Variants in EIF2S3 observed in about 807,000 individuals in gnomAD.
EIF2S3 encodes the protein eukaryotic translation initiation factor 2 subunit gamma.
EIF2S3 carries 2 observed loss-of-function variants against 31.7 expected under a neutral mutation model. That is an observed-to-expected ratio of 0.06 (90% CI 0.03 to 0.20). The LOEUF is 0.20. Among genes scored for constraint, EIF2S3 ranks in the 10% least tolerant of loss-of-function variants. EIF2S3 has a pLI of 1.00. For synonymous variants in EIF2S3, 120 were observed against 126.7 expected (o/e 0.95, Z 0.36); for missense variants, 96 against 359.3 (o/e 0.27, Z 5.92).
chrX:24,069,376 C>CA (rs1161413795), intron 9 of EIF2S3, among the ~76,000 whole-genome samples: 4,607 of 43,688 alleles, frequency 0.11, 146 homozygotes, highest in Admixed American at 0.12. Flanking sequence ...CACTCTGTCT[C>CA]AAAAAAAAAA....
Position 24,054,986 on chromosome X carries a change from T to C in EIF2S3, c.18T>C (p.Ala6=), listed in dbSNP as rs758167402. MAGGE[A]GVTLGQPHLS... ...TTGGCAACATGGCGGGCGGAGAAGC[T>C]GGAGTGACTCTAGGGCAGCCGCATC... Residue 6 remains alanine, a synonymous_variant, in exon 1 of 12, where the codon GCT becomes GCC. Coordinates refer to ENST00000253039, the MANE Select transcript of EIF2S3 (RefSeq NM_001415.4). 1 of 1,210,653 alleles carries C rather than the reference T, an allele frequency of 8.3e-7. No individual in the cohort carries two copies. The highest frequency in any genetic ancestry group is 1.8e-5 in the South Asian group (1 of 56,960).
At chrX:24,070,217 G>T (rs1242056187) in intron 9 of EIF2S3, among the ~76,000 whole-genome samples, 1 of 105,621 alleles carries the variant, frequency 9.5e-6, no homozygotes, top group Non-Finnish European at 1.9e-5. Flanking sequence ...ATTTAGTCAG[G>T]TGTGGTGGCA....
At chrX:24,055,111 A>C in intron 1 of EIF2S3, 74 bp downstream of exon 1, 1 of 1,105,976 alleles carries the variant, frequency 9.0e-7, no homozygotes, top group Non-Finnish European at 1.2e-6. Context: ...TGGTATTGGG[A>C]CTAGTCAGTG....
rs771471876 is a variant in EIF2S3, at chrX:24,061,275, A to G, written c.478+1093A>G. Among the ~76,000 whole-genome samples the G allele has an allele frequency of 2.4e-4, 19 of 79,032 alleles. No homozygotes were observed. The Admixed American group carries it at 2.6e-3, about 11-fold the overall frequency. 68.6% of individuals were successfully genotyped at this position (79,032 alleles called of 115,157 possible). A position where few individuals can be genotyped will look rare whatever the true frequency, so the allele number is the denominator to read the frequency against. On this transcript the variant is annotated intron_variant, in intron 5 of 11. Transcript: ENST00000253039. ...CAGTCTTAAAAAAAAAAAAAAAAAA[A>G]GCTGGGTGCGGTGGCTCACACCTGT...
chrX:24,067,907 G>A, intron 8 of EIF2S3, 57 bp from the exon 9 acceptor site: 1 of 1,115,138 alleles, frequency 9.0e-7, no homozygotes, highest in Non-Finnish European at 1.2e-6. Context: ...ACTTTTGATA[G>A]GTAAATGATA....
chrX:24,064,550 G>A lies in EIF2S3; in HGVS notation c.772+215G>A, dbSNP rs184393305. On this transcript the variant is annotated intron_variant, in intron 7 of 11. Coordinates refer to ENST00000253039, the MANE Select transcript of EIF2S3 (RefSeq NM_001415.4). ...ACAGTAAGAACTGTTAACCTAAGCC[G>A]GGCGCAGTGGCTCACGCCTATAATC... 2.3e-3 allele frequency among the ~76,000 whole-genome samples: 254 copies of A among 112,625 alleles called. 1 individual carries two copies. Among genetic ancestry groups the A allele is most frequent in the African/African-American group, 7.8e-3 (242 of 31,093 alleles).
chrX:24,062,704 G>A (rs990228437), intron 6 of EIF2S3, 130 bp downstream of exon 6: 8 of 708,943 alleles, frequency 1.1e-5, no homozygotes, highest in South Asian at 6.9e-5. Flanking sequence ...AAGCCTTATC[G>A]CCCTACCTTT....
intron 6 of EIF2S3, among the ~76,000 whole-genome samples, chrX:24,063,951 T>C (rs759779738): frequency 3.6e-5 from 4 of 111,964 alleles, no homozygotes; most frequent in Non-Finnish European, 7.5e-5. Context: ...TGTACTAATA[T>C]TAAGTATGTC....
At chrX:24,072,299 T>G (rs1930683425) in intron 10 of EIF2S3, among the ~76,000 whole-genome samples, 2 of 110,752 alleles carry the variant, frequency 1.8e-5, no homozygotes, top group African/African-American at 3.3e-5. Flanking sequence ...TTGTTGTTTA[T>G]TTTGAGACAG....
At chrX:24,071,483 C>T (rs756877765) in intron 9 of EIF2S3, 75 bp from the exon 10 acceptor site, 126 of 1,081,871 alleles carry the variant, frequency 1.2e-4, no homozygotes, top group Middle Eastern at 3.2e-4. Context: ...AGCCACTGCA[C>T]CTGGCCAACT....
At position 24,076,927 on chromosome X, in the gene EIF2S3, T is replaced by A. The variant is rs2038073253; in HGVS notation, c.*142T>A. On this transcript the variant is annotated 3_prime_UTR_variant, in exon 12 of 12. Coordinates refer to ENST00000253039, the MANE Select transcript of EIF2S3 (RefSeq NM_001415.4). ...AGTAGGTAACGGTAAGGTTATTCTC[T>A]TTTTTTTTTTTTTTTTTTTTGGTTA... The A allele has an allele frequency of 1.4e-4, 15 of 104,174 alleles. No individual in the cohort carries two copies. The highest frequency in any genetic ancestry group is 1.6e-4 in the Non-Finnish European group (12 of 73,623). 8.6% of individuals were successfully genotyped at this position (104,174 alleles called of 1,213,427 possible).
At chrX:24,064,065 C>A in intron 6 of EIF2S3, 136 bp from the exon 7 acceptor site, 1 of 522,777 alleles carries the variant, frequency 1.9e-6, no homozygotes, top group Non-Finnish European at 2.8e-6. Context: ...TATCCACTTT[C>A]CACTTGTTGC....
At chrX:24,063,320 T>G (rs959496152) in intron 6 of EIF2S3, among the ~76,000 whole-genome samples, 4 of 112,365 alleles carry the variant, frequency 3.6e-5, no homozygotes, top group African/African-American at 1.3e-4. Flanking sequence ...GAGATGTGAT[T>G]TATTGTTGAC....
chrX:24,070,026 A>G (rs1220387980), intron 9 of EIF2S3, among the ~76,000 whole-genome samples: 1 of 109,951 alleles, frequency 9.1e-6, no homozygotes, highest in Non-Finnish European at 1.9e-5. Context: ...GAATACTGTA[A>G]TGATAACCCC....
At chrX:24,055,851 G>T (rs150337174) in intron 2 of EIF2S3, among the ~76,000 whole-genome samples, 173 bp downstream of exon 2, 1 of 111,774 alleles carries the variant, frequency 8.9e-6, no homozygotes, top group African/African-American at 3.2e-5. Flanking sequence ...AAAGAATGCT[G>T]CCCACATGTA....
intron 9 of EIF2S3, among the ~76,000 whole-genome samples, chrX:24,071,353 G>T (rs1355905836): frequency 1.8e-5 from 2 of 109,502 alleles, no homozygotes; most frequent in African/African-American, 6.7e-5. Flanking sequence ...GCCACGCCTG[G>T]CTAATTTTTT....
chrX:24,061,465 A>G (rs1437388414), intron 5 of EIF2S3, among the ~76,000 whole-genome samples: 3 of 108,779 alleles, frequency 2.8e-5, no homozygotes. Context: ...AGGCTGAGGC[A>G]GGAGAATCGC....
rs755245748 is a variant in EIF2S3 at position 24,078,062 on chromosome X, G to C, written c.*1277G>C. 1 of 108,864 alleles carries C rather than the reference G, an allele frequency of 9.2e-6. No homozygotes were observed. Among genetic ancestry groups the C allele is most frequent in the African/African-American group, 3.4e-5 (1 of 29,831 alleles). The allele number at this position is 108,864 out of a possible 1,213,427, so 9.0% of individuals were successfully genotyped here. Reference sequence around the variant, plus strand: ...TTTTTTTGAGACGGAGGCTCACTCCGTCACCTAGGCTAGAGTACAGTGGCA... The same window carrying C: ...TTTTTTTGAGACGGAGGCTCACTCCCTCACCTAGGCTAGAGTACAGTGGCA... On this transcript the variant is annotated 3_prime_UTR_variant, in exon 12 of 12. Coordinates refer to ENST00000253039, the MANE Select transcript of EIF2S3 (RefSeq NM_001415.4).
Position 24,076,843 on chromosome X carries a change from AACCAAGGGGTTTATTTTC to A in EIF2S3, c.*60_*77del, listed in dbSNP as rs1569281233. 4 of 1,042,020 alleles carry A rather than the reference AACCAAGGGGTTTATTTTC, an allele frequency of 3.8e-6. No individual in the cohort carries two copies. In the East Asian group the frequency reaches 1.3e-4, roughly 34 times the overall value. The allele number at this position is 1,042,020 out of a possible 1,213,427, so 85.9% of individuals were successfully genotyped here. ...TTTGGAAGTTGGAATTCCTCTTAAC[AACCAAGGGGTTTATTTTC>A]AAAGCAATATTGGGGAATTGATTTC... On this transcript the variant is annotated 3_prime_UTR_variant, in exon 12 of 12. Transcript: ENST00000253039.
Sources: gnomAD v4.1 joint callset for allele counts (sites outside exome capture counted in the v4.1 genomes callset) on GRCh38, gnomAD v4.1.1 for gene constraint, MANE v1.5 for transcripts, NCBI Gene and HGNC (gene_info 2026-07-23, HGNC 2026-07-21) for gene names.